The following DHX30 variants were observed in gnomAD, a reference collection of about 807,000 sequenced individuals.
DHX30 encodes ATP-dependent RNA helicase DHX30.
Under a neutral mutation model 116.9 loss-of-function variants are expected in DHX30, and 4 were observed. That is an observed-to-expected ratio of 0.03 (90% CI 0.02 to 0.08). The LOEUF is 0.08. Among genes scored for constraint, DHX30 ranks in the 10% least tolerant of loss-of-function variants. The pLI, the probability that DHX30 is intolerant of heterozygous loss-of-function variation, is 1.00. For synonymous variants in DHX30, 697 were observed against 651.7 expected (o/e 1.07, Z -1.06); for missense variants, 871 against 1,595.1 (o/e 0.55, Z 7.73).
At chr3:47,824,598 C>T (rs2036456487) in intron 4 of DHX30, among the ~76,000 whole-genome samples, 3 of 152,192 alleles carry the variant, frequency 2.0e-5, no homozygotes, top group Admixed American at 2.0e-4. Context: ...GGCCCTGGCT[C>T]CAGATCTTCA....
chr3:47,836,014 CT>C, intron 6 of DHX30, among the ~76,000 whole-genome samples: 1 of 152,234 alleles, frequency 6.6e-6, no homozygotes, highest in East Asian at 1.9e-4. Context: ...GGACAGCCCC[CT>C]ATAGCAAAGA....
chr3:47,825,591 C>T (rs2036517564), intron 4 of DHX30, among the ~76,000 whole-genome samples: 1 of 152,162 alleles, frequency 6.6e-6, no homozygotes, highest in Non-Finnish European at 1.5e-5. Context: ...GAGAAATAGC[C>T]CAAAGTAACT....
Position 47,818,079 on chromosome 3 carries a change from T to C in DHX30, c.86T>C (p.Met29Thr), listed in dbSNP as rs767349564. The C allele has an allele frequency of 3.1e-5, 24 of 780,704 alleles. No individual in the cohort carries two copies. Among genetic ancestry groups the C allele is most frequent in the Non-Finnish European group, 4.8e-5 (20 of 418,066 alleles). 48.4% of individuals were successfully genotyped at this position (780,704 alleles called of 1,614,324 possible). Residue 29 changes from methionine (M) to threonine (T), a missense_variant, in exon 4 of 22, where the codon ATG becomes ACG. This residue lies in a region of DHX30 where 66 missense variants were observed against 153.9 expected (regional missense o/e 0.43). Transcript: ENST00000445061. ...CKLPPPRLPP[M>T]CVNPTPGGTI... ...CTTCCCCCACCCCGCCTTCCACCCA[T>C]GTGTGTCAACCCTACCCCAGGAGGG...
chr3:47,831,306 CAGG>C (rs1454503782), intron 6 of DHX30, among the ~76,000 whole-genome samples: 2 of 152,024 alleles, frequency 1.3e-5, no homozygotes, highest in African/African-American at 4.8e-5. Flanking sequence ...TGTGAACTAA[CAGG>C]GCAAGAACTC....
intron 6 of DHX30, among the ~76,000 whole-genome samples, chr3:47,838,308 C>T (rs552327646): frequency 1.3e-5 from 2 of 152,286 alleles, no homozygotes; most frequent in South Asian, 2.1e-4. Flanking sequence ...TAAGAAGCCT[C>T]TGCAGACTTT....
In DHX30 at chr3:47,840,976, C is replaced by A. The variant is rs1319675009; in HGVS notation, c.466C>A (p.Pro156Thr). Residue 156 changes from proline to threonine, a missense_variant, in exon 7 of 22, where the codon CCG (proline) becomes ACG (threonine). By Grantham distance (38) the Pro-to-Thr change is conservative. This residue lies in a region of DHX30 where 109 missense variants were observed against 118.8 expected (regional missense o/e 0.92). Transcript: ENST00000445061. Reference protein sequence around the residue: ...FGSPADSWWRPEPTMPPTSWR... With the variant: ...FGSPADSWWRTEPTMPPTSWR... The stretch of plus-strand genomic sequence containing the variant: ...CTCCCCTGCCGACAGCTGGTGGCGT[C>A]CGGAACCCACCATGCCCCCTACTTC... The A allele has an allele frequency of 3.2e-5, 52 of 1,614,210 alleles. No individual in the cohort carries two copies. The highest frequency in any genetic ancestry group is 4.0e-5 in the Non-Finnish European group (47 of 1,180,038).
At chr3:47,842,195 C>T (rs1464719870) in intron 8 of DHX30, 1 of 161,138 alleles carries the variant, frequency 6.2e-6, no homozygotes, top group Non-Finnish European at 1.4e-5. Flanking sequence ...GCCGTACAAA[C>T]CCCAATTGAC....
In DHX30 at chr3:47,848,880, C is replaced by T. The variant is rs763648277; in HGVS notation, c.2770-40C>T. 2 of 1,597,060 alleles carry T rather than the reference C, an allele frequency of 1.3e-6. No individual in the cohort carries two copies. Among genetic ancestry groups the T allele is most frequent in the Non-Finnish European group, 1.7e-6 (2 of 1,167,876 alleles). On this transcript the variant is annotated intron_variant, in intron 17 of 21. Transcript: ENST00000445061. This position sits in a 1 kb window ranked among gnomAD's most constrained non-coding sequence, Gnocchi z 9.4. ...GCTGTTCTGAGGGGGCGTTGTCTAGCCCCTGCCTGTGATCCGGCTGCCCTC... is the reference window on the plus strand; with the variant it reads ...GCTGTTCTGAGGGGGCGTTGTCTAGTCCCTGCCTGTGATCCGGCTGCCCTC...
At chr3:47,815,652 G>A (rs562044839) in intron 3 of DHX30, among the ~76,000 whole-genome samples, 54 of 141,086 alleles carry the variant, frequency 3.8e-4, no homozygotes, top group Admixed American at 2.2e-3. Flanking sequence ...TCTTAACTTA[G>A]CTGTCTGATT....
chr3:47,824,022 A>AGATG (rs1279279582), intron 4 of DHX30, among the ~76,000 whole-genome samples: 3 of 67,978 alleles, frequency 4.4e-5, no homozygotes, highest in African/African-American at 5.7e-5. Flanking sequence ...TTTTTTTTTG[A>AGATG]GATGGAGCCT....
At chr3:47,809,064 A>AT (rs932648640) in intron 2 of DHX30, among the ~76,000 whole-genome samples, 1 of 149,066 alleles carries the variant, frequency 6.7e-6, no homozygotes, top group Non-Finnish European at 1.5e-5. Context: ...AATTTTTTGT[A>AT]TTTTTTTAGT....
intron 1 of DHX30, among the ~76,000 whole-genome samples, chr3:47,804,442 C>G (rs1194402171): frequency 6.6e-6 from 1 of 152,170 alleles, no homozygotes; most frequent in South Asian, 2.1e-4. Flanking sequence ...GTAACCCTAG[C>G]TACTTGGGAG....
chr3:47,807,504 C>T (rs1292588321), intron 2 of DHX30, among the ~76,000 whole-genome samples: 2 of 151,694 alleles, frequency 1.3e-5, no homozygotes, highest in African/African-American at 2.4e-5. Context: ...GAGATCGAGA[C>T]CATCCTGGCC....
intron 4 of DHX30, 74 bp downstream of exon 4, chr3:47,818,191 T>A (rs1337419684): frequency 1.4e-6 from 1 of 734,066 alleles, no homozygotes; most frequent in East Asian, 2.5e-5. Flanking sequence ...ATGGGAGCCC[T>A]GGTGCCAGGG....
In DHX30 at chr3:47,805,397, T is replaced by G. The variant is rs2035470743; in HGVS notation, c.-51T>G. On this transcript the variant is annotated 5_prime_UTR_variant, in exon 2 of 22. Transcript: ENST00000445061. ...CTCCAGTTCAAAAGCCTACAAAATC[T>G]GAGACTGTCATTGCTTTTATAAGGT... is the stretch of plus-strand genomic sequence containing the variant. 2.5e-6 allele frequency: 1 copy of G among 399,124 alleles called. No homozygotes were observed. The highest frequency in any genetic ancestry group is 3.6e-5 in the East Asian group (1 of 28,084). 24.7% of individuals were successfully genotyped at this position (399,124 alleles called of 1,614,324 possible).
At position 47,849,363 on chromosome 3, in the gene DHX30, G is replaced by A. The variant is rs369101501; in HGVS notation, c.3087+14G>A. 3.1e-6 allele frequency: 5 copies of A among 1,605,898 alleles called. No homozygotes were observed. The African/African-American group carries it at 6.7e-5, about 21-fold the overall frequency. On this transcript the variant is annotated intron_variant, in intron 19 of 21. Coordinates refer to ENST00000445061, the MANE Select transcript of DHX30 (RefSeq NM_138615.3). ...AACCTCATCCAGGTGCTGCCTCTGG[G>A]AGGGAATGGAGTTCACCAGGTCCCA... is the stretch of plus-strand genomic sequence containing the variant.
intron 3 of DHX30, among the ~76,000 whole-genome samples, chr3:47,814,150 C>T (rs1208498401): frequency 6.6e-6 from 1 of 151,536 alleles, no homozygotes; most frequent in Non-Finnish European, 1.5e-5. Flanking sequence ...CTCAGCTGAG[C>T]GCGGTGGCTC....
At position 47,848,834 on chromosome 3, in the gene DHX30, TC is replaced by T. The variant is rs2037749117; in HGVS notation, c.2769+19del. On this transcript the variant is annotated intron_variant, in intron 17 of 21. Coordinates refer to ENST00000445061, the MANE Select transcript of DHX30 (RefSeq NM_138615.3). The surrounding 1 kb of genome is among the most constrained non-coding windows in gnomAD (Gnocchi z 9.4). ...GTGGACAAGGTCAGTCCTGGCTCCT[TC>T]CTGGAGCCGTCCACCCACTGCTGTT... The T allele has an allele frequency of 5.6e-6, 9 of 1,603,218 alleles. No individual in the cohort carries two copies. In the East Asian group the frequency reaches 1.8e-4, roughly 32 times the overall value.
chr3:47,824,714 C>T, intron 4 of DHX30: 1 of 257,056 alleles, frequency 3.9e-6, no homozygotes. Flanking sequence ...GAACTAACTT[C>T]GCTTCCTTAG....
Sources: gnomAD v4.1 joint callset for allele counts (sites outside exome capture counted in the v4.1 genomes callset) on GRCh38, gnomAD v4.1.1 for gene constraint, gnomAD v4.1.1 regional missense constraint, Gnocchi (gnomAD v3.1) non-coding constraint, MANE v1.5 for transcripts, NCBI Gene and HGNC (gene_info 2026-07-23, HGNC 2026-07-21) for gene names.